Variants in MAP2 observed in about 807,000 individuals in gnomAD.
MAP2 encodes microtubule associated protein 2, also known as microtubule-associated protein 2.
Under a neutral mutation model 137.6 loss-of-function variants are expected in MAP2, and 14 were observed. The observed-to-expected ratio is 0.10, with a 90% CI of 0.07 to 0.16. The LOEUF (loss-of-function observed/expected upper bound fraction) is 0.16, where lower values mean the gene tolerates loss of function less well. MAP2 is among the 10% of genes least tolerant of loss of function. The pLI, the probability that MAP2 is intolerant of heterozygous loss-of-function variation, is 1.00. For missense variants in MAP2, 2,088 were observed against 2,191.5 expected, an observed-to-expected ratio of 0.95 and a Z score of 0.94; for synonymous variants, 786 against 782.3, an observed-to-expected ratio of 1.00 and a Z score of -0.08.
intron 2 of MAP2, among the ~76,000 whole-genome samples, chr2:209,573,349 A>AC: frequency 7.7e-6 from 1 of 130,166 alleles, no homozygotes; most frequent in South Asian, 2.3e-4. Flanking sequence ...GCTGGAGTGC[A>AC]GTGGCACGAT....
At chr2:209,427,937 A>C (rs1254749459) in intron 1 of MAP2, among the ~76,000 whole-genome samples, 1 of 152,150 alleles carries the variant, frequency 6.6e-6, no homozygotes, top group Non-Finnish European at 1.5e-5. Flanking sequence ...TTTTTGTCTA[A>C]GAGGGTGAAG....
chr2:209,540,778 G>T (rs2066887725), intron 2 of MAP2, among the ~76,000 whole-genome samples: 1 of 148,326 alleles, frequency 6.7e-6, no homozygotes, highest in African/African-American at 2.6e-5. Context: ...ATGCACTTAA[G>T]AAATGCATTG....
At chr2:209,459,013 G>A (rs1253455965) in intron 1 of MAP2, among the ~76,000 whole-genome samples, 1 of 152,172 alleles carries the variant, frequency 6.6e-6, no homozygotes, top group African/African-American at 2.4e-5. Context: ...AAAGTTGAAT[G>A]ATAAGGAAAT....
intron 1 of MAP2, among the ~76,000 whole-genome samples, chr2:209,426,975 CAGTT>C (rs1692727516): frequency 6.6e-6 from 1 of 152,158 alleles, no homozygotes; most frequent in Non-Finnish European, 1.5e-5. Context: ...ATTTTACTAG[CAGTT>C]AGACAACAGA....
intron 4 of MAP2, among the ~76,000 whole-genome samples, chr2:209,635,304 G>A (rs945651238): frequency 5.9e-5 from 9 of 152,022 alleles, no homozygotes; most frequent in Non-Finnish European, 1.0e-4. Flanking sequence ...ACTTTAATGA[G>A]TTTCTAAAAT....
intron 5 of MAP2, 97 bp downstream of exon 5, chr2:209,653,529 C>G (rs2094938199): frequency 7.9e-7 from 1 of 1,259,354 alleles, no homozygotes. Flanking sequence ...TCCTCTTTCA[C>G]TAGTGCTAGG....
intron 3 of MAP2, among the ~76,000 whole-genome samples, chr2:209,592,158 A>T (rs1460221669): frequency 6.6e-6 from 1 of 152,138 alleles, no homozygotes. Context: ...CAGATAGTAA[A>T]TATTCTTGGC....
Position 209,653,196 on chromosome 2 carries a change from C to G in MAP2, c.26C>G (p.Ala9Gly). The change falls in exon 5 of 16, where the codon GCA becomes GGA. Residue 9 changes from alanine (A) to glycine (G), a missense_variant. Physicochemically the swap from Ala to Gly is moderately conservative, Grantham distance 60 (BLOSUM62 0). Coordinates refer to ENST00000682079, the MANE Select transcript of MAP2 (RefSeq NM_001375505.1). MADERKDEAKAPHWTSAPL... is the reference protein window; with the variant it reads MADERKDEGKAPHWTSAPL... ...ATGGCAGATGAACGGAAAGATGAAG[C>G]AAAGGCACCTCACTGGACCTCAGCA... 1 of 1,602,978 alleles carries G rather than the reference C, an allele frequency of 6.2e-7. No homozygotes were observed. The highest frequency in any genetic ancestry group is 8.5e-7 in the Non-Finnish European group (1 of 1,175,938).
chr2:209,495,016 TGA>T (rs2059580426), intron 1 of MAP2, among the ~76,000 whole-genome samples: 1 of 152,254 alleles, frequency 6.6e-6, no homozygotes, highest in Non-Finnish European at 1.5e-5. Context: ...ACCTTATCTG[TGA>T]TTTTTGTTAT....
intron 1 of MAP2, 59 bp from the exon 2 acceptor site, chr2:209,507,532 GA>G (rs1404690193): frequency 6.6e-6 from 1 of 152,006 alleles, no homozygotes; most frequent in African/African-American, 2.4e-5. Context: ...CTTAGTGAAA[GA>G]AAAAGCCAGA....
Position 209,723,183 on chromosome 2 carries a change from C to A in MAP2, c.5074-2526C>A, listed in dbSNP as rs149375866. On this transcript the variant is annotated intron_variant, in intron 13 of 15. Coordinates refer to ENST00000682079, the MANE Select transcript of MAP2 (RefSeq NM_001375505.1). ...ATTGTGATGGCTGACTCTGATGGGG[C>A]GAGGGAATGGCATATCCTCTAGGGT... Among the ~76,000 whole-genome samples, 10 of 152,220 alleles carry A rather than the reference C, an allele frequency of 6.6e-5. No homozygotes were observed. The East Asian group carries it at 9.6e-4, about 15-fold the overall frequency.
chr2:209,549,574 A>C (rs1188691107), intron 2 of MAP2, among the ~76,000 whole-genome samples: 2 of 152,170 alleles, frequency 1.3e-5, no homozygotes, highest in Admixed American at 1.3e-4. Flanking sequence ...ACTTTGTAAA[A>C]GATATTTGTT....
intron 13 of MAP2, among the ~76,000 whole-genome samples, chr2:209,721,244 C>T (rs1035975896): frequency 5.9e-5 from 9 of 152,172 alleles, no homozygotes; most frequent in Non-Finnish European, 1.3e-4. Context: ...TCTTTCTACC[C>T]TACCATTAAG....
intron 1 of MAP2, among the ~76,000 whole-genome samples, chr2:209,428,534 AG>A (rs1410062541): frequency 6.6e-6 from 1 of 150,470 alleles, no homozygotes; most frequent in Admixed American, 6.6e-5. Context: ...CCTTTCTTTC[AG>A]TTTGTATTGG....
At chr2:209,462,427 G>A (rs2149604717) in intron 1 of MAP2, among the ~76,000 whole-genome samples, 1 of 152,236 alleles carries the variant, frequency 6.6e-6, no homozygotes, top group East Asian at 1.9e-4. Context: ...TAAAAATATT[G>A]GACCAGAGGT....
chr2:209,562,717 G>A (rs1266746764), intron 2 of MAP2, among the ~76,000 whole-genome samples: 1 of 151,766 alleles, frequency 6.6e-6, no homozygotes. Flanking sequence ...AAAAGCGAAT[G>A]CAAACAGCAT....
chr2:209,496,743 A>G (rs1426607303), intron 1 of MAP2, among the ~76,000 whole-genome samples: 11 of 152,156 alleles, frequency 7.2e-5, no homozygotes, highest in African/African-American at 2.2e-4. Context: ...TACACTCTCA[A>G]AATTCTCTTG....
chr2:209,451,928 C>T (rs542610060), intron 1 of MAP2, among the ~76,000 whole-genome samples: 1 of 152,264 alleles, frequency 6.6e-6, no homozygotes, highest in Non-Finnish European at 1.5e-5. Context: ...TTACTGACCA[C>T]ACAATATTTT....
At chr2:209,532,240 GAAAAAAA>G (rs796126529) in intron 2 of MAP2, among the ~76,000 whole-genome samples, 2 of 72,696 alleles carry the variant, frequency 2.8e-5, no homozygotes, top group East Asian at 8.8e-4. Flanking sequence ...CCAGTCTCAG[GAAAAAAA>G]AAAAAAAAAA....
Sources: allele counts gnomAD v4.1 joint callset (sites outside exome capture counted in the v4.1 genomes callset), GRCh38; gene constraint gnomAD v4.1.1; transcripts MANE v1.5; gene names NCBI Gene and HGNC (gene_info 2026-07-23, HGNC 2026-07-21).